TEX9: variants seen among roughly 807,000 people sequenced by gnomAD.
TEX9 encodes testis-expressed protein 9.
Under a neutral mutation model 59.6 loss-of-function variants are expected in TEX9, and 74 were observed. That is an observed-to-expected ratio of 1.24 (90% CI 1.03 to 1.51). The LOEUF is 1.51. Ranked by LOEUF, TEX9 falls within the 40% of genes most tolerant of loss-of-function variation. The probability of loss-of-function intolerance (pLI) is 0.00; values close to 1 mark genes in which losing one functional copy is unlikely to be tolerated. For missense variants in TEX9, 522 were observed against 447.8 expected (o/e 1.17, Z -1.49); for synonymous variants, 186 against 152.2 (o/e 1.22, Z -1.64).
chr15:56,312,627 G>A (rs2045649726), intron 1 of TEX9, among the ~76,000 whole-genome samples: 1 of 145,538 alleles, frequency 6.9e-6, no homozygotes, highest in Non-Finnish European at 1.5e-5. Context: ...TGGTGATGCG[G>A]GCTCTTTTTT....
intron 1 of TEX9, among the ~76,000 whole-genome samples, chr15:56,248,186 CAGCAGCAAGATTACAGA>C (rs1453112407): frequency 2.0e-5 from 3 of 152,132 alleles, no homozygotes; most frequent in Non-Finnish European, 4.4e-5. Context: ...AAAATAAAAG[CAGCAGCAAGATTACAGA>C]AGAGGGAAGT....
intron 1 of TEX9, among the ~76,000 whole-genome samples, chr15:56,349,982 C>T (rs2046546542): frequency 6.6e-6 from 1 of 152,116 alleles, no homozygotes; most frequent in Non-Finnish European, 1.5e-5. Context: ...GAGAAGCCCT[C>T]CCTTACTGCC....
chr15:56,365,126 C>CA (rs2141940375), upstream of TEX9, among the ~76,000 whole-genome samples: 1 of 152,342 alleles, frequency 6.6e-6, no homozygotes, highest in African/African-American at 2.4e-5. Context: ...AAAAGCACAA[C>CA]AGGGAGGGAT....
chr15:56,365,364 G>C, upstream of TEX9: 1 of 1,520,590 alleles, frequency 6.6e-7, no homozygotes, highest in South Asian at 1.3e-5. Flanking sequence ...GGAAGGCGTA[G>C]GCGCCCGGGC....
intron 1 of TEX9, among the ~76,000 whole-genome samples, chr15:56,330,177 G>C (rs1596094853): frequency 6.6e-6 from 1 of 152,098 alleles, no homozygotes; most frequent in African/African-American, 2.4e-5. Flanking sequence ...AATATATCCA[G>C]TGAAAATATA....
intron 1 of TEX9, among the ~76,000 whole-genome samples, chr15:56,261,380 T>A (rs1353134870): frequency 6.6e-6 from 1 of 152,026 alleles, no homozygotes; most frequent in Non-Finnish European, 1.5e-5. Context: ...AAAAATCCAA[T>A]CAGAGAGAAC....
intron 1 of TEX9, among the ~76,000 whole-genome samples, chr15:56,253,759 A>G (rs1170383912): frequency 3.3e-5 from 5 of 152,064 alleles, no homozygotes; most frequent in African/African-American, 1.2e-4. Flanking sequence ...TCGCTGCCCA[A>G]TGTATAAGGT....
chr15:56,386,580 A>AT (rs1313262449), intron 4 of TEX9, among the ~76,000 whole-genome samples: 1 of 151,968 alleles, frequency 6.6e-6, no homozygotes, highest in Non-Finnish European at 1.5e-5. Context: ...TCAATTACAC[A>AT]TTTTTATATT....
intron 1 of TEX9, among the ~76,000 whole-genome samples, chr15:56,307,371 C>G (rs2045508542): frequency 6.6e-6 from 1 of 152,196 alleles, no homozygotes; most frequent in Non-Finnish European, 1.5e-5. Context: ...GCCCACCAAT[C>G]TGGACAGCTG....
intron 1 of TEX9, among the ~76,000 whole-genome samples, chr15:56,346,677 C>G (rs2046476797): frequency 6.6e-6 from 1 of 152,096 alleles, no homozygotes; most frequent in Non-Finnish European, 1.5e-5. Flanking sequence ...ATAGGAAAAA[C>G]CAACCCCACC....
chr15:56,277,313 C>T (rs560926282), intron 1 of TEX9, among the ~76,000 whole-genome samples: 5 of 152,220 alleles, frequency 3.3e-5, no homozygotes, highest in African/African-American at 1.2e-4. Flanking sequence ...TTAGGTTTTA[C>T]GTTTAAGCCT....
intron 2 of TEX9, chr15:56,365,882 A>C: frequency 7.2e-7 from 1 of 1,387,678 alleles, no homozygotes; most frequent in Admixed American, 3.2e-5. Flanking sequence ...AGTGGGCGAA[A>C]ATTTAGCCCA....
At chr15:56,415,926 T>C (rs2049659553) in intron 10 of TEX9, among the ~76,000 whole-genome samples, 1 of 151,874 alleles carries the variant, frequency 6.6e-6, no homozygotes, top group Non-Finnish European at 1.5e-5. Context: ...TTCGTAATTC[T>C]CATTGTAGAG....
intron 2 of TEX9, among the ~76,000 whole-genome samples, chr15:56,369,808 C>T (rs1156644206): frequency 2.6e-5 from 4 of 152,036 alleles, no homozygotes; most frequent in African/African-American, 7.2e-5. Context: ...ACATCGGTAT[C>T]CTCACCTTTT....
At chr15:56,430,705 T>G (rs2050566004) in intron 12 of TEX9, among the ~76,000 whole-genome samples, 1 of 152,112 alleles carries the variant, frequency 6.6e-6, no homozygotes, top group South Asian at 2.1e-4. Context: ...CTTTGGCATG[T>G]AAGTACTACA....
intron 1 of TEX9, among the ~76,000 whole-genome samples, chr15:56,285,633 C>T (rs2725854): frequency 0.35 from 52,756 of 151,950 alleles, 10,524 homozygotes; most frequent in Non-Finnish European, 0.45. Flanking sequence ...CTGCTAGTTC[C>T]TTAAAATCTT....
Position 56,444,584 on chromosome 15 carries a change from T to C in TEX9, c.*30-1087T>C, listed in dbSNP as rs754393361. On this transcript the variant is annotated intron_variant, in intron 12 of 12. Transcript: ENST00000352903. ...AGTCAAGATAGTACTGTGCTTTCGC[T>C]TTGTTTCGTTTGTCTTCTGCAGCAT... 4 of 1,613,386 alleles carry C rather than the reference T, an allele frequency of 2.5e-6. No individual in the cohort carries two copies. The Admixed American group carries it at 6.7e-5, about 27-fold the overall frequency.
At chr15:56,440,981 A>G (rs2050806595) in intron 12 of TEX9, among the ~76,000 whole-genome samples, 1 of 152,174 alleles carries the variant, frequency 6.6e-6, no homozygotes, top group Non-Finnish European at 1.5e-5. Context: ...ACACAGGCTC[A>G]TTAATTTTTA....
intron 1 of TEX9, among the ~76,000 whole-genome samples, chr15:56,347,255 G>A (rs1358644133): frequency 6.6e-6 from 1 of 152,074 alleles, no homozygotes; most frequent in East Asian, 1.9e-4. Flanking sequence ...TGAAAATCCA[G>A]GGGAACTAAA....
Sources: gnomAD v4.1 joint callset for allele counts (sites outside exome capture counted in the v4.1 genomes callset) on GRCh38, gnomAD v4.1.1 for gene constraint, MANE v1.5 for transcripts, NCBI Gene and HGNC (gene_info 2026-07-23, HGNC 2026-07-21) for gene names.